NR3C2: variants seen among roughly 807,000 people sequenced by gnomAD.
The protein encoded by NR3C2 is mineralocorticoid receptor.
NR3C2 carries 15 observed loss-of-function variants against 86.4 expected under a neutral mutation model. The observed-to-expected ratio is 0.17, with a 90% CI of 0.12 to 0.27. The LOEUF is 0.27. NR3C2 is among the 10% of genes least tolerant of loss of function. NR3C2 has a pLI of 1.00. For synonymous variants in NR3C2, 458 were observed against 450.5 expected (o/e 1.02, Z -0.21); for missense variants, 960 against 1,195.6 (o/e 0.80, Z 2.91).
intron 4 of NR3C2, among the ~76,000 whole-genome samples, chr4:148,185,078 C>T (rs147311958): frequency 9.5e-4 from 144 of 152,314 alleles, no homozygotes; most frequent in African/African-American, 2.2e-3. Context: ...TCACCACCTC[C>T]GCCACTGCCA....
At chr4:148,222,914 A>C (rs906695973) in intron 3 of NR3C2, among the ~76,000 whole-genome samples, 2 of 152,170 alleles carry the variant, frequency 1.3e-5, no homozygotes, top group African/African-American at 4.8e-5. Context: ...GATTAGATAT[A>C]GTAAGACCTA....
intron 2 of NR3C2, among the ~76,000 whole-genome samples, chr4:148,377,985 A>G (rs1746763944): frequency 6.6e-6 from 1 of 152,208 alleles, no homozygotes. Flanking sequence ...CCAGACTTAG[A>G]TAATAGGCAT....
At chr4:148,433,332 C>CA (rs1749885076) in intron 2 of NR3C2, among the ~76,000 whole-genome samples, 1 of 152,016 alleles carries the variant, frequency 6.6e-6, no homozygotes, top group Admixed American at 6.5e-5. Flanking sequence ...ACTGTAATAA[C>CA]AAAGGTATAG....
intron 3 of NR3C2, among the ~76,000 whole-genome samples, chr4:148,240,607 G>A (rs1738979531): frequency 6.6e-6 from 1 of 152,160 alleles, no homozygotes; most frequent in South Asian, 2.1e-4. Flanking sequence ...CAGGGGCGGG[G>A]TCAAGGGTGA....
intron 2 of NR3C2, among the ~76,000 whole-genome samples, chr4:148,310,312 G>C (rs941043717): frequency 1.3e-5 from 2 of 152,092 alleles, no homozygotes; most frequent in Non-Finnish European, 2.9e-5. Flanking sequence ...CTCCACACCT[G>C]CATCTATACA....
chr4:148,444,254 T>C, upstream of NR3C2: 2 of 985,400 alleles, frequency 2.0e-6, no homozygotes, highest in Non-Finnish European at 2.4e-6. Flanking sequence ...TTATCTCCTT[T>C]GAGGAGGGCC....
intron 4 of NR3C2, among the ~76,000 whole-genome samples, chr4:148,162,679 G>C (rs1291868532): frequency 6.6e-6 from 1 of 152,198 alleles, no homozygotes; most frequent in Non-Finnish European, 1.5e-5. Context: ...TGCGTCGCAT[G>C]GGGCTGAGGC....
intron 3 of NR3C2, among the ~76,000 whole-genome samples, chr4:148,246,066 C>T (rs766706056): frequency 1.4e-4 from 21 of 150,410 alleles, no homozygotes; most frequent in Non-Finnish European, 2.1e-4. Context: ...GTGTAAGAAA[C>T]GAATGGTGTT....
rs143252708 is a variant in NR3C2, at chr4:148,405,680, T to G, written c.1757+29424A>C. ...GAATTTCAAAGCACTTTACAAAATGTAACCTCTCAGGGGAAGTTAGAGAAA... is the reference window on the plus strand; with the variant it reads ...GAATTTCAAAGCACTTTACAAAATGGAACCTCTCAGGGGAAGTTAGAGAAA... On this transcript the variant is annotated intron_variant, in intron 2 of 8. Transcript: ENST00000358102. Among the ~76,000 whole-genome samples, 6 of 152,366 alleles carry G rather than the reference T, an allele frequency of 3.9e-5. No homozygotes were observed. The East Asian group carries it at 1.2e-3, about 29-fold the overall frequency.
chr4:148,187,913 G>A (rs932672631), intron 4 of NR3C2, among the ~76,000 whole-genome samples: 1 of 152,104 alleles, frequency 6.6e-6, no homozygotes, highest in African/African-American at 2.4e-5. Flanking sequence ...GAGGGATGAG[G>A]ATCCAGTTTC....
chr4:148,187,822 A>G (rs1353133751), intron 4 of NR3C2, among the ~76,000 whole-genome samples: 1 of 152,106 alleles, frequency 6.6e-6, no homozygotes, highest in Non-Finnish European at 1.5e-5. Context: ...GTTTTTTCCA[A>G]TGTTATCCTC....
chr4:148,112,318 A>G (rs188070409), intron 8 of NR3C2, among the ~76,000 whole-genome samples: 1 of 152,354 alleles, frequency 6.6e-6, no homozygotes, highest in African/African-American at 2.4e-5. Flanking sequence ...GAATTTTGAT[A>G]TTGCACTTGT....
intron 8 of NR3C2, among the ~76,000 whole-genome samples, chr4:148,085,598 C>A (rs905073092): frequency 2.0e-5 from 3 of 151,974 alleles, no homozygotes; most frequent in East Asian, 3.9e-4. Flanking sequence ...GAAGCAAGAG[C>A]AAACAAATTC....
intron 2 of NR3C2, among the ~76,000 whole-genome samples, chr4:148,361,150 C>A (rs569550315): frequency 6.6e-6 from 1 of 152,236 alleles, no homozygotes; most frequent in South Asian, 2.1e-4. Context: ...AGATAACCTT[C>A]CAGCAGAAGT....
chr4:148,124,731 C>T (rs1218777822), intron 6 of NR3C2, among the ~76,000 whole-genome samples: 1 of 152,084 alleles, frequency 6.6e-6, no homozygotes, highest in Non-Finnish European at 1.5e-5. Context: ...TATGTTGGAC[C>T]TTCTCCTCAT....
chr4:148,141,799 G>C (rs1733624351), intron 6 of NR3C2, among the ~76,000 whole-genome samples: 1 of 152,144 alleles, frequency 6.6e-6, no homozygotes, highest in South Asian at 2.1e-4. Flanking sequence ...GAGGGATCTA[G>C]GCTGCATGCT....
intron 2 of NR3C2, among the ~76,000 whole-genome samples, chr4:148,292,848 T>C (rs1243475862): frequency 3.3e-5 from 5 of 151,978 alleles, no homozygotes; most frequent in African/African-American, 1.2e-4. Flanking sequence ...TATAGAAAAA[T>C]AGATTTGATA....
At chr4:148,216,609 A>G (rs1407094425) in intron 3 of NR3C2, among the ~76,000 whole-genome samples, 2 of 152,222 alleles carry the variant, frequency 1.3e-5, no homozygotes, top group Admixed American at 6.5e-5. Flanking sequence ...GAAACTTTTC[A>G]AAATACTTTC....
intron 2 of NR3C2, among the ~76,000 whole-genome samples, chr4:148,272,032 T>C (rs893972981): frequency 6.6e-6 from 1 of 152,140 alleles, no homozygotes. Flanking sequence ...CTCCCTCTAT[T>C]TATTTATTCA....
Sources: gnomAD v4.1 joint callset for allele counts (sites outside exome capture counted in the v4.1 genomes callset) on GRCh38, gnomAD v4.1.1 for gene constraint, MANE v1.5 for transcripts, NCBI Gene and HGNC (gene_info 2026-07-23, HGNC 2026-07-21) for gene names.